ZNF451: variants seen among roughly 807,000 people sequenced by gnomAD.
ZNF451 encodes the protein E3 SUMO-protein ligase ZNF451.
ZNF451 carries 80 observed loss-of-function variants against 107.1 expected under a neutral mutation model. The observed-to-expected ratio is 0.75, with a 90% CI of 0.62 to 0.90. The LOEUF (loss-of-function observed/expected upper bound fraction) is 0.90, where lower values mean the gene tolerates loss of function less well. Among genes scored for constraint, ZNF451 ranks in the 40% least tolerant of loss-of-function variants. ZNF451 has a pLI of 0.00. For synonymous variants in ZNF451, 362 were observed against 406.5 expected (o/e 0.89, Z 1.32); for missense variants, 1,107 against 1,236.2 (o/e 0.90, Z 1.57).
At chr6:57,099,352 A>C (rs1829476536) in intron 3 of ZNF451, 3 of 655,332 alleles carry the variant, frequency 4.6e-6, no homozygotes, top group Non-Finnish European at 2.8e-6. Context: ...AAAAAATGAT[A>C]ATATGACTCT....
chr6:57,165,444 G>A (rs968176127), intron 14 of ZNF451: 16 of 152,026 alleles, frequency 1.1e-4, no homozygotes, highest in South Asian at 1.0e-3. Context: ...CTGGATGATT[G>A]ATTGATTGAT....
chr6:57,142,093 C>A lies in ZNF451; in HGVS notation c.1002C>A (p.Phe334Leu). 6.2e-7 allele frequency: 1 copy of A among 1,611,466 alleles called. No individual in the cohort carries two copies. The highest frequency in any genetic ancestry group is 8.5e-7 in the Non-Finnish European group (1 of 1,177,924). ...LRSHMELTAH[F>L]RVHCRNAGPV... ...CCCACATGGAGCTCACTGCCCATTT[C>A]AGGTTTGTATTGGTCTGGAGCTGTA... is the stretch of plus-strand genomic sequence containing the variant. Residue 334 changes from phenylalanine (F) to leucine (L), a missense_variant and splice_region_variant, in exon 9 of 15, where the codon TTC becomes TTA. Coordinates refer to ENST00000370706, the MANE Select transcript of ZNF451 (RefSeq NM_001031623.3).
intron 14 of ZNF451, 45 bp downstream of exon 14, chr6:57,161,197 ATT>A: frequency 7.9e-6 from 9 of 1,136,756 alleles, no homozygotes; most frequent in South Asian, 2.2e-5. Flanking sequence ...CTGTATCTGT[ATT>A]TTTTTTTTAA....
chr6:57,149,739 G>A (rs550935682), intron 10 of ZNF451, among the ~76,000 whole-genome samples: 15 of 152,190 alleles, frequency 9.9e-5, no homozygotes, highest in African/African-American at 3.6e-4. Flanking sequence ...CAGTGGTAAA[G>A]AATTAAATCA....
intron 3 of ZNF451, among the ~76,000 whole-genome samples, chr6:57,120,967 T>C (rs1296486107): frequency 6.6e-6 from 1 of 152,196 alleles, no homozygotes; most frequent in Non-Finnish European, 1.5e-5. Flanking sequence ...ATGCACAAGG[T>C]CATTTAGATT....
At chr6:57,131,494 A>T (rs753343295) in intron 5 of ZNF451, among the ~76,000 whole-genome samples, 2 of 152,208 alleles carry the variant, frequency 1.3e-5, no homozygotes, top group Non-Finnish European at 2.9e-5. Flanking sequence ...TTCTTACTAC[A>T]TTAAGAATGT....
At chr6:57,110,704 T>C (rs146554806) in intron 3 of ZNF451, among the ~76,000 whole-genome samples, 60 of 152,220 alleles carry the variant, frequency 3.9e-4, no homozygotes, top group African/African-American at 1.3e-3. Flanking sequence ...CTTATAAAAA[T>C]ATTGCTTCAT....
At chr6:57,103,123 G>A (rs1441610414) in intron 3 of ZNF451, 1 of 985,304 alleles carries the variant, frequency 1.0e-6, no homozygotes, top group Non-Finnish European at 1.2e-6. Context: ...ACACGATCCA[G>A]GCATGCAAAT....
rs1832120972 is a variant in ZNF451, at chr6:57,147,400, C to T, written c.1315C>T (p.Leu439=). Residue 439 remains leucine (L), a synonymous_variant, in exon 10 of 15, where the codon CTG becomes TTG. Transcript: ENST00000370706. ...RTMSIKESSS[L]ECIAIPKKKM... The stretch of plus-strand genomic sequence containing the variant: ...CATGTCTATTAAAGAATCTAGCTCA[C>T]TGGAGTGCATTGCCATTCCAAAAAA... The T allele has an allele frequency of 2.5e-6, 4 of 1,614,056 alleles. No individual in the cohort carries two copies. The highest frequency in any genetic ancestry group is 3.4e-6 in the Non-Finnish European group (4 of 1,179,968).
At position 57,147,720 on chromosome 6, in the gene ZNF451, T is replaced by G. The variant is rs1392397277; in HGVS notation, c.1635T>G (p.Thr545=). The change falls in exon 10 of 15, where the codon ACT becomes ACG. Residue 545 remains threonine (T), a synonymous_variant. Transcript: ENST00000370706. ...TCKKELTRKD[T]IMAHVTEFHN... ...AAAAGGAGTTAACAAGGAAAGATACTATCATGGCACATGTGACTGAATTTC... is the reference window on the plus strand; with the variant it reads ...AAAAGGAGTTAACAAGGAAAGATACGATCATGGCACATGTGACTGAATTTC... The G allele has an allele frequency of 6.2e-7, 1 of 1,614,056 alleles. No homozygotes were observed. The highest frequency in any genetic ancestry group is 8.5e-7 in the Non-Finnish European group (1 of 1,179,998).
At chr6:57,119,726 T>G (rs1830546497) in intron 3 of ZNF451, among the ~76,000 whole-genome samples, 1 of 152,158 alleles carries the variant, frequency 6.6e-6, no homozygotes, top group Non-Finnish European at 1.5e-5. Flanking sequence ...TTTCAATCTG[T>G]GAACCTCCAT....
Position 57,147,153 on chromosome 6 carries a change from G to C in ZNF451, c.1068G>C (p.Glu356Asp). The C allele has an allele frequency of 6.2e-7, 1 of 1,614,002 alleles. No homozygotes were observed. Among genetic ancestry groups the C allele is most frequent in the African/African-American group, 1.3e-5 (1 of 75,034 alleles). The change falls in exon 10 of 15, where the codon GAG (glutamate) becomes GAC (aspartate). Residue 356 changes from glutamate to aspartate, a missense_variant. Glu to Asp is a conservative substitution (Grantham distance 45). Around this residue, in one of 5 missense-constraint regions of ZNF451, gnomAD observed 608 missense variants for 649.2 expected, o/e 0.94. Transcript: ENST00000370706. ...VAEKSITQVA[E>D]KFILRGYCPD... ...AGAAGAGCATTACCCAGGTTGCAGA[G>C]AAATTCATATTAAGAGGTTATTGTC...
At chr6:57,103,076 A>G in intron 3 of ZNF451, 1 of 985,450 alleles carries the variant, frequency 1.0e-6, no homozygotes, top group Non-Finnish European at 1.2e-6. Context: ...AATACAAAAA[A>G]GATACGCACA....
chr6:57,108,524 T>C, intron 3 of ZNF451: 2 of 985,364 alleles, frequency 2.0e-6, no homozygotes, highest in Non-Finnish European at 2.4e-6. Flanking sequence ...AATTCATTTT[T>C]TTTTACATAT....
chr6:57,151,548 G>A (rs948405376), intron 11 of ZNF451, among the ~76,000 whole-genome samples: 1 of 151,460 alleles, frequency 6.6e-6, no homozygotes, highest in South Asian at 2.1e-4. Context: ...TTTTGTTTTT[G>A]TTTTTTTTCC....
At chr6:57,118,713 G>A (rs1046129621) in intron 3 of ZNF451, among the ~76,000 whole-genome samples, 3 of 151,988 alleles carry the variant, frequency 2.0e-5, no homozygotes, top group African/African-American at 4.8e-5. Context: ...CCAACTCCTG[G>A]GCTCAAGTGA....
At chr6:57,151,642 G>A (rs934433252) in intron 11 of ZNF451, among the ~76,000 whole-genome samples, 1 of 151,964 alleles carries the variant, frequency 6.6e-6, no homozygotes, top group Non-Finnish European at 1.5e-5. Flanking sequence ...TGCCATAACT[G>A]CCTCTTCGGT....
chr6:57,109,008 T>G, intron 3 of ZNF451: 1 of 985,440 alleles, frequency 1.0e-6, no homozygotes, highest in African/African-American at 1.7e-5. Context: ...TAAACTAATT[T>G]TACATACACA....
At chr6:57,119,722 T>C (rs1399476425) in intron 3 of ZNF451, among the ~76,000 whole-genome samples, 1 of 152,110 alleles carries the variant, frequency 6.6e-6, no homozygotes, top group African/African-American at 2.4e-5. Flanking sequence ...TTTGTTTCAA[T>C]CTGTGAACCT....
Sources: allele counts gnomAD v4.1 joint callset (sites outside exome capture counted in the v4.1 genomes callset), GRCh38; gene constraint gnomAD v4.1.1; regional missense constraint gnomAD v4.1.1; transcripts MANE v1.5; gene names NCBI Gene and HGNC (gene_info 2026-07-23, HGNC 2026-07-21).